Variants in ADAMTS14 observed in about 807,000 individuals in gnomAD.
ADAMTS14 encodes the protein ADAM metallopeptidase with thrombospondin type 1 motif 14.
A neutral mutation model predicts 128.6 loss-of-function variants in ADAMTS14; 100 were observed. The ratio of observed to expected loss-of-function variants is 0.78; its 90% CI spans 0.66 to 0.92. The LOEUF is 0.92. ADAMTS14 is among the 40% of genes least tolerant of loss of function. ADAMTS14 has a pLI of 0.00. For synonymous variants in ADAMTS14, 665 were observed against 653.8 expected (o/e 1.02, Z -0.26); for missense variants, 1,562 against 1,658.6 (o/e 0.94, Z 1.01).
intron 19 of ADAMTS14, 152 bp from the exon 20 acceptor site, chr10:70,757,810 T>C: frequency 8.5e-7 from 1 of 1,179,254 alleles, no homozygotes; most frequent in South Asian, 1.5e-5. Context: ...AGTCCTTGCA[T>C]GTCCCTCTGG....
Position 70,758,054 on chromosome 10 carries a change from A to C in ADAMTS14, c.3030A>C (p.Pro1010=). ...NSLGHCEGDR[P]DTVQVCSLPA... ...TCGGGCATTGCGAGGGGGATAGGCC[A>C]GACACTGTCCAGGTCTGCAGCCTGC... The change falls in exon 20 of 22, where the codon CCA becomes CCC. Residue 1010 remains proline (P), a synonymous_variant. Coordinates refer to ENST00000373207, the MANE Select transcript of ADAMTS14 (RefSeq NM_080722.4). 5.6e-6 allele frequency: 9 copies of C among 1,613,732 alleles called. No individual in the cohort carries two copies. The highest frequency in any genetic ancestry group is 7.6e-6 in the Non-Finnish European group (9 of 1,179,852).
At chr10:70,697,779 G>A (rs1029511274) in intron 2 of ADAMTS14, among the ~76,000 whole-genome samples, 7 of 124,052 alleles carry the variant, frequency 5.6e-5, no homozygotes, top group African/African-American at 1.7e-4. Flanking sequence ...ACACCCTGAG[G>A]GGCTTTCCCT....
intron 2 of ADAMTS14, among the ~76,000 whole-genome samples, chr10:70,698,559 A>T (rs997921553): frequency 1.3e-5 from 2 of 152,086 alleles, no homozygotes; most frequent in Non-Finnish European, 2.9e-5. Flanking sequence ...GTCTAGGAGG[A>T]GAGTCTCTGC....
intron 4 of ADAMTS14, among the ~76,000 whole-genome samples, chr10:70,712,980 C>T (rs1480747998): frequency 1.3e-5 from 2 of 152,236 alleles, no homozygotes; most frequent in African/African-American, 4.8e-5. Flanking sequence ...GCCACCTGCT[C>T]CTCACTTCCA....
rs1589351256 is a variant in ADAMTS14 at position 70,761,015 on chromosome 10, C to T, written c.*162C>T. 19 of 1,074,692 alleles carry T rather than the reference C, an allele frequency of 1.8e-5. No individual in the cohort carries two copies. The highest frequency in any genetic ancestry group is 3.1e-4 in the Middle Eastern group (1 of 3,246). 66.6% of individuals were successfully genotyped at this position (1,074,692 alleles called of 1,614,324 possible). A position where few individuals can be genotyped will look rare whatever the true frequency, so the allele number is the denominator to read the frequency against. On this transcript the variant is annotated 3_prime_UTR_variant, in exon 22 of 22. Transcript: ENST00000373207. The stretch of plus-strand genomic sequence containing the variant: ...CTGTGATGCTCTTTACCCCACAAAG[C>T]GGGGTGGGAGGAAGACAAAGATCAG...
At position 70,759,129 on chromosome 10, in the gene ADAMTS14, T is replaced by TTTTTTTTTTTTTTTTTTTTTTTTTTAG. The variant is rs1485675752; in HGVS notation, c.3178+844_3178+845insTTTTTTTTTTTTTTTTTTTTTTTTTAG. 1.2e-4 allele frequency among the ~76,000 whole-genome samples: 14 copies of TTTTTTTTTTTTTTTTTTTTTTTTTTAG among 112,606 alleles called. 2 individuals carry two copies. Among genetic ancestry groups the TTTTTTTTTTTTTTTTTTTTTTTTTTAG allele is most frequent in the Admixed American group, 2.1e-4 (2 of 9,526 alleles). 73.9% of individuals were successfully genotyped at this position (112,606 alleles called of 152,430 possible). A position where few individuals can be genotyped will look rare whatever the true frequency, so the allele number is the denominator to read the frequency against. ...AAAGGACCTTCTACCTCCAATCTTC[T>TTTTTTTTTTTTTTTTTTTTTTTTTTAG]ACTTCTCTGCTCCTAGGCTGAGGTT... On this transcript the variant is annotated intron_variant, in intron 21 of 21. Coordinates refer to ENST00000373207, the MANE Select transcript of ADAMTS14 (RefSeq NM_080722.4).
intron 3 of ADAMTS14, 119 bp from the exon 4 acceptor site, chr10:70,708,469 T>C: frequency 1.2e-6 from 1 of 862,198 alleles, no homozygotes; most frequent in Non-Finnish European, 1.8e-6. Context: ...CATACTACTT[T>C]ACTTACAGAG....
intron 15 of ADAMTS14, among the ~76,000 whole-genome samples, chr10:70,749,587 C>T (rs1842285401): frequency 6.7e-6 from 1 of 148,196 alleles, no homozygotes. Flanking sequence ...ATGGTGTGCA[C>T]TAGGATCCAG....
intron 2 of ADAMTS14, among the ~76,000 whole-genome samples, chr10:70,701,028 T>C (rs748138305): frequency 1.3e-5 from 2 of 152,236 alleles, no homozygotes; most frequent in Non-Finnish European, 2.9e-5. Flanking sequence ...CTTGGCCTCC[T>C]GATTGGGCCT....
intron 4 of ADAMTS14, among the ~76,000 whole-genome samples, chr10:70,718,857 T>C (rs1435350167): frequency 6.6e-6 from 1 of 151,722 alleles, no homozygotes; most frequent in Non-Finnish European, 1.5e-5. Context: ...TTCTTCTTCT[T>C]CTTTTTTTTT....
chr10:70,719,231 C>T (rs1237901998), intron 4 of ADAMTS14, among the ~76,000 whole-genome samples: 5 of 152,092 alleles, frequency 3.3e-5, no homozygotes, highest in Non-Finnish European at 7.3e-5. Flanking sequence ...ATTTTCAAAG[C>T]AAACCCACTG....
chr10:70,734,749 T>C (rs1330472893), intron 8 of ADAMTS14, among the ~76,000 whole-genome samples: 6 of 152,210 alleles, frequency 3.9e-5, no homozygotes, highest in Non-Finnish European at 8.8e-5. Flanking sequence ...GTACAGGAGC[T>C]GGCCAGGGCG....
chr10:70,736,555 G>A (rs569984093), intron 9 of ADAMTS14, 125 bp from the exon 10 acceptor site: 8 of 781,818 alleles, frequency 1.0e-5, no homozygotes, highest in African/African-American at 3.6e-5. Flanking sequence ...GAGGGGCTCT[G>A]GCTGCCTTCC....
intron 6 of ADAMTS14, among the ~76,000 whole-genome samples, chr10:70,731,876 C>T (rs988616534): frequency 6.6e-6 from 1 of 152,152 alleles, no homozygotes; most frequent in East Asian, 1.9e-4. Context: ...CTGTTTTCCC[C>T]CTGGTACCTA....
At chr10:70,729,191 T>C in intron 4 of ADAMTS14, 103 bp from the exon 5 acceptor site, 1 of 981,392 alleles carries the variant, frequency 1.0e-6, no homozygotes, top group Non-Finnish European at 1.6e-6. Flanking sequence ...CCTGATAAGG[T>C]CACGGTGGGG....
At chr10:70,729,450 G>C in intron 5 of ADAMTS14, 73 bp downstream of exon 5, 1 of 1,272,318 alleles carries the variant, frequency 7.9e-7, no homozygotes, top group South Asian at 1.2e-5. Context: ...ACCAGCAATG[G>C]TGTGGGCTGC....
At chr10:70,694,503 A>T (rs1417070972) in intron 2 of ADAMTS14, among the ~76,000 whole-genome samples, 3 of 152,142 alleles carry the variant, frequency 2.0e-5, no homozygotes, top group Non-Finnish European at 4.4e-5. Flanking sequence ...AAAAGAGACT[A>T]TGTGGCCTTT....
chr10:70,760,764 C>T lies in ADAMTS14; in HGVS notation c.3583C>T (p.Pro1195Ser). ...GGLPWGWTQTPTPVPEDKGQP... is the reference protein window; with the variant it reads ...GGLPWGWTQTSTPVPEDKGQP... ...GCTGCCTTGGGGCTGGACTCAGACA[C>T]CTACGCCAGTCCCTGAGGACAAAGG... The change falls in exon 22 of 22, where the codon CCT becomes TCT. Residue 1195 changes from proline to serine, a missense_variant. Transcript: ENST00000373207. 1.3e-5 allele frequency: 21 copies of T among 1,613,420 alleles called. No homozygotes were observed. The highest frequency in any genetic ancestry group is 1.8e-5 in the Non-Finnish European group (21 of 1,179,664).
chr10:70,698,446 A>G (rs778186567), intron 2 of ADAMTS14, among the ~76,000 whole-genome samples: 4 of 152,228 alleles, frequency 2.6e-5, no homozygotes, highest in Non-Finnish European at 4.4e-5. Context: ...ACTTGGGCCA[A>G]ACCTCTCATT....
Sources: allele counts gnomAD v4.1 joint callset (sites outside exome capture counted in the v4.1 genomes callset), GRCh38; gene constraint gnomAD v4.1.1; transcripts MANE v1.5; gene names NCBI Gene and HGNC (gene_info 2026-07-23, HGNC 2026-07-21).